The following TRIO variants were observed in gnomAD, a reference collection of about 807,000 sequenced individuals.
The protein encoded by TRIO is triple functional domain protein.
A neutral mutation model predicts 351.9 loss-of-function variants in TRIO; 58 were observed. The observed-to-expected ratio is 0.16, with a 90% CI of 0.13 to 0.21. The LOEUF (loss-of-function observed/expected upper bound fraction) is 0.21. TRIO is among the 10% of genes least tolerant of loss of function. The pLI is 1.00. For synonymous variants in TRIO, 1,758 were observed against 1,595.7 expected, an observed-to-expected ratio of 1.10 and a Z score of -2.42; for missense variants, 3,201 against 4,027.8, an observed-to-expected ratio of 0.79 and a Z score of 5.56.
chr5:14,293,280 C>A, intron 6 of TRIO, 146 bp downstream of exon 6: 3 of 1,137,378 alleles, frequency 2.6e-6, no homozygotes, highest in South Asian at 1.6e-5. Context: ...GAGGGTGTTC[C>A]CTAGGGTTCC....
At chr5:14,176,401 C>T (rs542127287) in intron 1 of TRIO, among the ~76,000 whole-genome samples, 21 of 152,166 alleles carry the variant, frequency 1.4e-4, no homozygotes, top group African/African-American at 9.6e-5. Flanking sequence ...ACCCGGGAGG[C>T]GGAGCTTACA....
At chr5:14,299,010 A>G (rs756943747) in intron 7 of TRIO, among the ~76,000 whole-genome samples, 1 of 152,228 alleles carries the variant, frequency 6.6e-6, no homozygotes, top group Non-Finnish European at 1.5e-5. Flanking sequence ...GCGTGGGTGA[A>G]TGTCAGGCTG....
At chr5:14,313,424 A>G (rs1009910723) in intron 8 of TRIO, among the ~76,000 whole-genome samples, 2 of 152,174 alleles carry the variant, frequency 1.3e-5, no homozygotes, top group Non-Finnish European at 2.9e-5. Flanking sequence ...TATTGCATGG[A>G]ATGTTGTTGC....
intron 19 of TRIO, among the ~76,000 whole-genome samples, chr5:14,376,244 G>A (rs1045904003): frequency 1.3e-5 from 2 of 152,106 alleles, no homozygotes; most frequent in African/African-American, 4.8e-5. Flanking sequence ...AAAGTTACCG[G>A]GAACCCTTTA....
intron 34 of TRIO, among the ~76,000 whole-genome samples, chr5:14,434,246 A>G (rs1051669376): frequency 2.0e-5 from 3 of 152,228 alleles, no homozygotes; most frequent in African/African-American, 4.8e-5. Flanking sequence ...AAGATTGACT[A>G]TTGTAATTTT....
chr5:14,407,878 T>G (rs191863876), intron 33 of TRIO, among the ~76,000 whole-genome samples: 6 of 152,354 alleles, frequency 3.9e-5, no homozygotes, highest in Non-Finnish European at 8.8e-5. Flanking sequence ...CTGCCAAGAC[T>G]AGTGTGTTCT....
At chr5:14,460,976 G>T (rs1180162229) in intron 34 of TRIO, 43 bp from the exon 35 acceptor site, 24 of 1,487,612 alleles carry the variant, frequency 1.6e-5, no homozygotes, top group Non-Finnish European at 2.0e-5. Context: ...ACACCGGAGG[G>T]TCTGTGCGAG....
chr5:14,300,308 C>T (rs1426841232), intron 7 of TRIO, among the ~76,000 whole-genome samples: 2 of 152,198 alleles, frequency 1.3e-5, no homozygotes, highest in Admixed American at 6.5e-5. Context: ...CTGCACTGCC[C>T]ATTGTGATGG....
At chr5:14,223,442 G>A (rs1328549479) in intron 1 of TRIO, among the ~76,000 whole-genome samples, 1 of 152,184 alleles carries the variant, frequency 6.6e-6, no homozygotes, top group Non-Finnish European at 1.5e-5. Context: ...CCCATAGGAG[G>A]CTGGTGTAAG....
At chr5:14,230,073 AC>A (rs1793307721) in intron 1 of TRIO, among the ~76,000 whole-genome samples, 1 of 152,222 alleles carries the variant, frequency 6.6e-6, no homozygotes, top group African/African-American at 2.4e-5. Context: ...ATCCCCCTGC[AC>A]GGGAGGTCCT....
chr5:14,474,256 C>T (rs1754886214), intron 40 of TRIO, among the ~76,000 whole-genome samples, 159 bp downstream of exon 40: 1 of 152,198 alleles, frequency 6.6e-6, no homozygotes, highest in Non-Finnish European at 1.5e-5. Context: ...CCCAGGAGTT[C>T]TGCAGTAGCA....
At chr5:14,145,473 G>C (rs1787452269) in intron 1 of TRIO, among the ~76,000 whole-genome samples, 1 of 147,976 alleles carries the variant, frequency 6.8e-6, no homozygotes, top group Non-Finnish European at 1.5e-5. Flanking sequence ...GAAAACATGA[G>C]CTCCTTCTAA....
chr5:14,227,451 G>A, intron 1 of TRIO, among the ~76,000 whole-genome samples: 1 of 152,222 alleles, frequency 6.6e-6, no homozygotes, highest in East Asian at 1.9e-4. Context: ...ATTTGTGGTT[G>A]TCATACTGAC....
At chr5:14,268,564 C>T (rs982431648) in intron 1 of TRIO, among the ~76,000 whole-genome samples, 2 of 152,024 alleles carry the variant, frequency 1.3e-5, no homozygotes, top group African/African-American at 2.4e-5. Flanking sequence ...TGGGTGTGGA[C>T]GTGGGAATGG....
At chr5:14,152,526 T>C (rs1787900976) in intron 1 of TRIO, among the ~76,000 whole-genome samples, 2 of 152,266 alleles carry the variant, frequency 1.3e-5, no homozygotes, top group South Asian at 2.1e-4. Flanking sequence ...CCCGCCACCA[T>C]GCCCAGCTAA....
chr5:14,223,314 A>G (rs1195375785), intron 1 of TRIO, among the ~76,000 whole-genome samples: 1 of 152,220 alleles, frequency 6.6e-6, no homozygotes, highest in Admixed American at 6.5e-5. Flanking sequence ...GTTCCCCCAG[A>G]AAAACGATGT....
chr5:14,481,853 C>G (rs1365960517), intron 45 of TRIO: 1 of 471,502 alleles, frequency 2.1e-6, no homozygotes, highest in Non-Finnish European at 3.7e-6. Context: ...TGTCTCATGG[C>G]AGAAACAAGC....
chr5:14,208,344 C>A (rs142956466), intron 1 of TRIO, among the ~76,000 whole-genome samples: 1 of 152,238 alleles, frequency 6.6e-6, no homozygotes, highest in African/African-American at 2.4e-5. Context: ...GAACAAATTT[C>A]TGACACATGC....
intron 7 of TRIO, among the ~76,000 whole-genome samples, chr5:14,300,428 G>A (rs1344600389): frequency 2.0e-5 from 3 of 152,096 alleles, no homozygotes; most frequent in South Asian, 2.1e-4. Context: ...TCACTGTATC[G>A]GGAGCAACAT....
Sources: allele counts gnomAD v4.1 joint callset (sites outside exome capture counted in the v4.1 genomes callset), GRCh38; gene constraint gnomAD v4.1.1; transcripts MANE v1.5; gene names NCBI Gene and HGNC (gene_info 2026-07-23, HGNC 2026-07-21).